Variants in RBFOX3 observed in about 807,000 individuals in gnomAD.
RBFOX3 encodes the protein RNA binding protein fox-1 homolog 3.
A neutral mutation model predicts 48.7 loss-of-function variants in RBFOX3; 17 were observed. The ratio of observed to expected loss-of-function variants is 0.35; its 90% CI spans 0.24 to 0.52. The LOEUF (loss-of-function observed/expected upper bound fraction) is 0.52, where lower values mean the gene tolerates loss of function less well. RBFOX3 is among the 20% of genes least tolerant of loss of function. The pLI is 0.94. For synonymous variants in RBFOX3, 212 were observed against 209.5 expected (o/e 1.01, Z -0.10); for missense variants, 382 against 497.5 (o/e 0.77, Z 2.21).
the RBFOX3 span, among the ~76,000 whole-genome samples, chr17:79,636,891 C>T: frequency 6.6e-6 from 1 of 151,922 alleles, no homozygotes; most frequent in African/African-American, 2.4e-5. Context: ...TTAAAAAAAA[C>T]AAGATTCAAC....
At chr17:79,238,616 G>GC (rs1267947513) in intron 3 of RBFOX3, among the ~76,000 whole-genome samples, 12 of 152,348 alleles carry the variant, frequency 7.9e-5, no homozygotes, top group African/African-American at 2.9e-4. Context: ...ATGGGAGCTG[G>GC]CAGAGTAGCC....
At chr17:79,223,555 C>T (rs1482593173) in intron 4 of RBFOX3, among the ~76,000 whole-genome samples, 2 of 152,226 alleles carry the variant, frequency 1.3e-5, no homozygotes, top group African/African-American at 4.8e-5. Context: ...AAACCCGACC[C>T]TGCACTTGGG....
At chr17:79,137,086 C>A (rs1237440095) in intron 4 of RBFOX3, among the ~76,000 whole-genome samples, 3 of 152,198 alleles carry the variant, frequency 2.0e-5, no homozygotes, top group African/African-American at 7.2e-5. Flanking sequence ...ACCAGAGGCA[C>A]CCCTGTTTGG....
At chr17:79,383,239 T>G (rs944414988) in intron 2 of RBFOX3, among the ~76,000 whole-genome samples, 1 of 152,180 alleles carries the variant, frequency 6.6e-6, no homozygotes, top group Non-Finnish European at 1.5e-5. Context: ...CAGCCACCCC[T>G]CGCCTCCTTC....
At chr17:79,196,928 G>A (rs1426906576) in intron 4 of RBFOX3, among the ~76,000 whole-genome samples, 1 of 152,126 alleles carries the variant, frequency 6.6e-6, no homozygotes, top group African/African-American at 2.4e-5. Context: ...AAGTGTACTG[G>A]GGCCCACCAA....
At chr17:79,417,659 G>T (rs1555719841) in intron 2 of RBFOX3, among the ~76,000 whole-genome samples, 1 of 152,236 alleles carries the variant, frequency 6.6e-6, no homozygotes, top group Non-Finnish European at 1.5e-5. Flanking sequence ...GGAAAAGGAA[G>T]GTTTGGCGGT....
intron 3 of RBFOX3, among the ~76,000 whole-genome samples, chr17:79,281,260 C>A (rs879510888): frequency 2.0e-4 from 31 of 152,172 alleles, no homozygotes; most frequent in Non-Finnish European, 4.1e-4. Flanking sequence ...GAGCCGTGGG[C>A]TTGTGGTTTA....
the RBFOX3 span, among the ~76,000 whole-genome samples, chr17:79,656,830 A>AAAAAG: frequency 2.8e-5 from 4 of 140,796 alleles, no homozygotes; most frequent in South Asian, 2.5e-4. Context: ...AGAAAGAAAG[A>AAAAAG]AAAGAAAGAA....
intron 4 of RBFOX3, among the ~76,000 whole-genome samples, chr17:79,185,598 G>A (rs1350497464): frequency 6.6e-6 from 1 of 152,186 alleles, no homozygotes; most frequent in African/African-American, 2.4e-5. Context: ...CCTGGAGGAT[G>A]CTCAGGAATT....
intron 4 of RBFOX3, among the ~76,000 whole-genome samples, chr17:79,230,503 C>T (rs1476426285): frequency 6.6e-6 from 1 of 151,918 alleles, no homozygotes; most frequent in Non-Finnish European, 1.5e-5. Context: ...TCGTGATCCG[C>T]CCGCCTCGGC....
At position 79,115,688 on chromosome 17, in the gene RBFOX3, ACTGGGCGGGGGGGT is replaced by A; in HGVS notation, c.14_27del (p.Tyr5LeufsTer124). The A allele has an allele frequency of 4.2e-6, 1 of 235,442 alleles. No homozygotes were observed. Among genetic ancestry groups the A allele is most frequent in the Non-Finnish European group, 7.3e-6 (1 of 137,460 alleles). 14.6% of individuals were successfully genotyped at this position (235,442 alleles called of 1,614,324 possible). A position where few individuals can be genotyped will look rare whatever the true frequency, so the allele number is the denominator to read the frequency against. On this transcript the variant is annotated frameshift_variant, in exon 5 of 15. Coordinates refer to ENST00000693108, the MANE Select transcript of RBFOX3 (RefSeq NM_001350451.2). LOFTEE classifies it high-confidence loss of function. ...ATGCCGTTCTGTGGCGGAGGGGGGTACTGGGCGGGGGGGTAGGGCTGGGCCATCGCTTCAGGCGG... is the reference window on the plus strand; with the variant it reads ...ATGCCGTTCTGTGGCGGAGGGGGGTAAGGGCTGGGCCATCGCTTCAGGCGG...
chr17:79,339,654 G>T (rs781052918), intron 2 of RBFOX3, among the ~76,000 whole-genome samples: 3 of 152,192 alleles, frequency 2.0e-5, no homozygotes, highest in African/African-American at 4.8e-5. Flanking sequence ...TGAGCCTGCC[G>T]GTCTGGAGGC....
At chr17:79,121,617 C>T (rs2035761813) in intron 4 of RBFOX3, among the ~76,000 whole-genome samples, 1 of 152,154 alleles carries the variant, frequency 6.6e-6, no homozygotes, top group Non-Finnish European at 1.5e-5. Context: ...CTGGTCTGGG[C>T]CCTCAGCAGC....
At chr17:79,467,149 G>T (rs1038336619) in intron 2 of RBFOX3, among the ~76,000 whole-genome samples, 14 of 152,078 alleles carry the variant, frequency 9.2e-5, no homozygotes, top group African/African-American at 3.4e-4. Context: ...CTGGGTCCGG[G>T]AGGCCCTCCT....
chr17:79,546,365 A>G (rs2090435141), intron 1 of RBFOX3, among the ~76,000 whole-genome samples: 1 of 152,194 alleles, frequency 6.6e-6, no homozygotes, highest in Non-Finnish European at 1.5e-5. Context: ...CGGCCATCAG[A>G]TGAACGTCAT....
intron 1 of RBFOX3, among the ~76,000 whole-genome samples, chr17:79,602,792 C>T (rs2093735558): frequency 2.0e-5 from 3 of 152,080 alleles, no homozygotes; most frequent in Admixed American, 6.5e-5. Flanking sequence ...GCGCGGTAAG[C>T]GATGTGGCAG....
At chr17:79,366,239 T>C (rs2147435429) in intron 2 of RBFOX3, among the ~76,000 whole-genome samples, 1 of 152,350 alleles carries the variant, frequency 6.6e-6, no homozygotes, top group Middle Eastern at 3.4e-3. Flanking sequence ...CTAGTCTTTC[T>C]GGTAGACGAT....
chr17:79,367,745 G>A (rs11077431), intron 2 of RBFOX3, among the ~76,000 whole-genome samples: 102,200 of 151,908 alleles, frequency 0.67, 35,695 homozygotes, highest in Admixed American at 0.77. Context: ...ATGGTGGGCC[G>A]GACAGGCAGC....
intron 1 of RBFOX3, among the ~76,000 whole-genome samples, chr17:79,549,941 CA>C (rs1330147998): frequency 6.6e-6 from 1 of 150,550 alleles, no homozygotes; most frequent in African/African-American, 2.4e-5. Flanking sequence ...CCACACACAC[CA>C]AAAAAAAACG....
Sources: allele counts gnomAD v4.1 joint callset (sites outside exome capture counted in the v4.1 genomes callset), GRCh38; gene constraint gnomAD v4.1.1; transcripts MANE v1.5; gene names NCBI Gene and HGNC (gene_info 2026-07-23, HGNC 2026-07-21).